The following RPS5 variants were observed in gnomAD, a reference collection of about 807,000 sequenced individuals.
RPS5 encodes the protein small ribosomal subunit protein uS7.
A neutral mutation model predicts 20.9 loss-of-function variants in RPS5; 2 were observed. That is an observed-to-expected ratio of 0.10 (90% confidence interval 0.04 to 0.30). The LOEUF is 0.30. Ranked by LOEUF, RPS5 falls within the 10% of genes least tolerant of loss-of-function variation. RPS5 has a pLI of 1.00. For synonymous variants in RPS5, 112 were observed against 105.8 expected (o/e 1.06, Z -0.36); for missense variants, 122 against 287.2 (o/e 0.42, Z 4.16).
intron 1 of RPS5, chr19:58,387,884 C>A: frequency 1.9e-6 from 1 of 528,914 alleles, no homozygotes; most frequent in Non-Finnish European, 3.4e-6. Flanking sequence ...ATACCTTGGT[C>A]CCAGTGCAGC....
chr19:58,388,831 G>A (rs946424721), intron 2 of RPS5, among the ~76,000 whole-genome samples: 4 of 151,618 alleles, frequency 2.6e-5, no homozygotes, highest in South Asian at 2.1e-4. Flanking sequence ...GGGTTTCACC[G>A]AGTTAGCCAG....
intron 2 of RPS5, 102 bp downstream of exon 2, chr19:58,388,347 A>G: frequency 2.5e-6 from 2 of 794,222 alleles, no homozygotes; most frequent in Non-Finnish European, 2.2e-6. Context: ...AAGAATAGAG[A>G]TCATAACAGG....
At position 58,388,152 on chromosome 19, in the gene RPS5, G is replaced by C. The variant is rs760713128; in HGVS notation, c.15G>C (p.Glu5Asp). ...CCTGTCCCAGGATGACCGAGTGGGAGACAGCAGCACCAGCGGTGGCAGAGA... is the reference window on the plus strand; with the variant it reads ...CCTGTCCCAGGATGACCGAGTGGGACACAGCAGCACCAGCGGTGGCAGAGA... MTEW[E>D]TAAPAVAETP... Residue 5 changes from glutamate to aspartate, a missense_variant, in exon 2 of 6, where the codon GAG becomes GAC. Coordinates refer to ENST00000196551, the MANE Select transcript of RPS5 (RefSeq NM_001009.4). 1 of 1,612,546 alleles carries C rather than the reference G, an allele frequency of 6.2e-7. No individual in the cohort carries two copies. The highest frequency in any genetic ancestry group is 1.7e-5 in the Admixed American group (1 of 59,958).
intron 2 of RPS5, among the ~76,000 whole-genome samples, chr19:58,389,916 CAG>C (rs1389012461): frequency 1.3e-5 from 2 of 151,990 alleles, no homozygotes; most frequent in African/African-American, 4.8e-5. Context: ...TTTTTTGAGA[CAG>C]AGTTTCGTTC....
chr19:58,388,469 A>T, intron 2 of RPS5: 1 of 572,430 alleles, frequency 1.7e-6, no homozygotes, highest in East Asian at 2.9e-5. Flanking sequence ...GGAGCATCAC[A>T]TCTCACATAT....
chr19:58,392,736 T>G (rs971966997), intron 2 of RPS5, among the ~76,000 whole-genome samples: 3 of 152,142 alleles, frequency 2.0e-5, no homozygotes, highest in African/African-American at 7.2e-5. Context: ...CTCCTTAGAT[T>G]CCCACTCTTC....
At position 58,388,121 on chromosome 19, in the gene RPS5, CAT is replaced by C; in HGVS notation, c.-1-15_-1-14del. On this transcript the variant is annotated splice_polypyrimidine_tract_variant and intron_variant, in intron 1 of 5. Coordinates refer to ENST00000196551, the MANE Select transcript of RPS5 (RefSeq NM_001009.4). The stretch of plus-strand genomic sequence containing the variant: ...CTGAGCTCTGACGTTTTTTTCCTGT[CAT>C]CACCCTGTCCCAGGATGACCGAGTG... The C allele has an allele frequency of 6.3e-7, 1 of 1,586,418 alleles. No homozygotes were observed.
At chr19:58,394,645 G>T in intron 5 of RPS5, 37 bp from the exon 6 acceptor site, 1 of 1,613,666 alleles carries the variant, frequency 6.2e-7, no homozygotes, top group Non-Finnish European at 8.5e-7. Context: ...CATTTGTGGG[G>T]GTCCTTCAGA....
At chr19:58,393,335 G>T in intron 3 of RPS5, 24 bp from the exon 4 acceptor site, 1 of 1,611,980 alleles carries the variant, frequency 6.2e-7, no homozygotes, top group Non-Finnish European at 8.5e-7. Flanking sequence ...CTGGATGTCA[G>T]GCTCATATCC....
chr19:58,388,839 C>A (rs1391106471), intron 2 of RPS5, among the ~76,000 whole-genome samples: 1 of 151,914 alleles, frequency 6.6e-6, no homozygotes, highest in Non-Finnish European at 1.5e-5. Flanking sequence ...CCGAGTTAGC[C>A]AGGATGGTCT....
At chr19:58,393,723 T>C in intron 4 of RPS5, 1 of 404,828 alleles carries the variant, frequency 2.5e-6, no homozygotes, top group Non-Finnish European at 4.0e-6. Context: ...ATTTTTACAC[T>C]GTGTGTATAT....
At position 58,394,672 on chromosome 19, in the gene RPS5, C is replaced by T. The variant is rs1198975102; in HGVS notation, c.547-10C>T. The T allele has an allele frequency of 8.1e-6, 13 of 1,614,128 alleles. No homozygotes were observed. The highest frequency in any genetic ancestry group is 1.0e-5 in the Non-Finnish European group (12 of 1,180,012). On this transcript the variant is annotated splice_polypyrimidine_tract_variant and intron_variant, in intron 5 of 5. Transcript: ENST00000196551. The stretch of plus-strand genomic sequence containing the variant: ...TCCTTCAGAATTCAGAGCTGTGTGT[C>T]TCCTTGCAGGGCTCCTCGAACTCCT...
chr19:58,390,307 G>A (rs1249524619), intron 2 of RPS5, among the ~76,000 whole-genome samples: 1 of 151,398 alleles, frequency 6.6e-6, no homozygotes, highest in Non-Finnish European at 1.5e-5. Flanking sequence ...CGACTTTCCT[G>A]CCTCAGCCTC....
intron 2 of RPS5, among the ~76,000 whole-genome samples, chr19:58,388,776 C>T (rs1380587084): frequency 1.3e-5 from 2 of 151,868 alleles, no homozygotes; most frequent in African/African-American, 2.4e-5. Flanking sequence ...AGGTGCCCGC[C>T]ACTGCACCTG....
At chr19:58,391,722 T>C (rs1453206358) in intron 2 of RPS5, among the ~76,000 whole-genome samples, 1 of 151,746 alleles carries the variant, frequency 6.6e-6, no homozygotes, top group Non-Finnish European at 1.5e-5. Context: ...GGTCAAGAGT[T>C]CAAGACCAGC....
At chr19:58,394,313 G>A in intron 4 of RPS5, 184 bp from the exon 5 acceptor site, 1 of 600,866 alleles carries the variant, frequency 1.7e-6, no homozygotes, top group Non-Finnish European at 3.0e-6. Context: ...GCCTGTGTGT[G>A]TGTGTGTCTG....
intron 4 of RPS5, 155 bp downstream of exon 4, chr19:58,393,642 G>A: frequency 1.1e-6 from 1 of 894,132 alleles, no homozygotes; most frequent in Non-Finnish European, 1.6e-6. Flanking sequence ...CTGCATAGGG[G>A]CTGATCCAGG....
At position 58,393,135 on chromosome 19, in the gene RPS5, G is replaced by C. The variant is rs769932302; in HGVS notation, c.268G>C (p.Val90Leu). Residue 90 changes from valine (V) to leucine (L), a missense_variant, in exon 3 of 6, where the codon GTG becomes CTG. By Grantham distance (32) the Val-to-Leu change is conservative (BLOSUM62 1). Around this residue, in one of 6 missense-constraint regions of RPS5, gnomAD observed 49 missense variants for 64.9 expected, o/e 0.75. Transcript: ENST00000196551. ...CAACAACGGCAAGAAGCTCATGACT[G>C]TGCGCATCGTCAAGCATGCCTTCGA... ...GRNNGKKLMT[V>L]RIVKHAFEII... 5 of 1,614,230 alleles carry C rather than the reference G, an allele frequency of 3.1e-6. No homozygotes were observed. In the South Asian group the frequency reaches 5.5e-5, roughly 18 times the overall value.
At chr19:58,389,671 T>C (rs2052350688) in intron 2 of RPS5, among the ~76,000 whole-genome samples, 1 of 151,664 alleles carries the variant, frequency 6.6e-6, no homozygotes, top group Admixed American at 6.6e-5. Flanking sequence ...AGTTTCGCTC[T>C]TATTGCCCAG....
Sources: gnomAD v4.1 joint callset for allele counts (sites outside exome capture counted in the v4.1 genomes callset) on GRCh38, gnomAD v4.1.1 for gene constraint, gnomAD v4.1.1 regional missense constraint, MANE v1.5 for transcripts, NCBI Gene and HGNC (gene_info 2026-07-23, HGNC 2026-07-21) for gene names.